Variants in CYP7B1 observed in about 807,000 individuals in gnomAD.
CYP7B1 encodes the protein cytochrome P450 7B1.
Under a neutral mutation model 42.7 loss-of-function variants are expected in CYP7B1, and 29 were observed. The observed-to-expected ratio is 0.68, with a 90% CI of 0.51 to 0.93. CYP7B1 has a LOEUF of 0.93. Among genes scored for constraint, CYP7B1 ranks in the 40% least tolerant of loss-of-function variants. The pLI is 0.00. For missense variants in CYP7B1, 655 were observed against 600.5 expected (o/e 1.09, Z -0.95); for synonymous variants, 235 against 218.2 (o/e 1.08, Z -0.68).
At chr8:64,725,105 A>G (rs1807302807) in intron 1 of CYP7B1, among the ~76,000 whole-genome samples, 1 of 152,248 alleles carries the variant, frequency 6.6e-6, no homozygotes, top group African/African-American at 2.4e-5. Context: ...CGTAACCATT[A>G]GATCACCCCC....
At chr8:64,643,190 TATACACAC>T (rs1805893614) in intron 1 of CYP7B1, among the ~76,000 whole-genome samples, 11 of 83,620 alleles carry the variant, frequency 1.3e-4, no homozygotes, top group South Asian at 6.7e-4. Flanking sequence ...TACATATATA[TATACACAC>T]ACACACACAC....
At chr8:64,708,877 A>G (rs2129632626) in intron 1 of CYP7B1, among the ~76,000 whole-genome samples, 1 of 152,282 alleles carries the variant, frequency 6.6e-6, no homozygotes, top group South Asian at 2.1e-4. Flanking sequence ...GTTAGAGGGG[A>G]ACCTCCTTTC....
Position 64,593,919 on chromosome 8 carries a change from T to C in CYP7B1, c.*2723A>G, listed in dbSNP as rs1338231797. Among the ~76,000 whole-genome samples the C allele has an allele frequency of 6.6e-6, 1 of 152,144 alleles. No homozygotes were observed. The highest frequency in any genetic ancestry group is 1.5e-5 in the Non-Finnish European group (1 of 68,026). ...GGAATCGTAAAACTGAAAAATGTAA[T>C]GATTGAACTTAGCAAACTCAGTGGA... On this transcript the variant is annotated 3_prime_UTR_variant, in exon 6 of 6. Transcript: ENST00000310193.
chr8:64,749,557 A>G (rs1016044425), intron 1 of CYP7B1, among the ~76,000 whole-genome samples: 1 of 152,214 alleles, frequency 6.6e-6, no homozygotes, highest in Admixed American at 6.5e-5. Flanking sequence ...GTAGATTTGA[A>G]GACTTATTGA....
chr8:64,640,319 A>G (rs1046654443), intron 1 of CYP7B1, among the ~76,000 whole-genome samples: 1 of 152,152 alleles, frequency 6.6e-6, no homozygotes, highest in African/African-American at 2.4e-5. Context: ...CTCATGAAAA[A>G]ATGAGACTAA....
chr8:64,662,203 T>G (rs1806208792), intron 1 of CYP7B1, among the ~76,000 whole-genome samples: 1 of 152,280 alleles, frequency 6.6e-6, no homozygotes, highest in Non-Finnish European at 1.5e-5. Context: ...TGCAGTGGTA[T>G]GCACTTGTAG....
chr8:64,609,776 A>G (rs763200981), intron 4 of CYP7B1, among the ~76,000 whole-genome samples: 17 of 152,180 alleles, frequency 1.1e-4, no homozygotes, highest in Non-Finnish European at 1.6e-4. Context: ...ATTATCAGCA[A>G]CCCTGGATGG....
chr8:64,781,974 A>G (rs926186414), intron 1 of CYP7B1, among the ~76,000 whole-genome samples: 2 of 152,174 alleles, frequency 1.3e-5, no homozygotes, highest in African/African-American at 2.4e-5. Context: ...AAAATGAGAC[A>G]ATAGATGCAA....
chr8:64,730,973 C>T (rs1212785642), intron 1 of CYP7B1, among the ~76,000 whole-genome samples: 1 of 152,150 alleles, frequency 6.6e-6, no homozygotes, highest in Non-Finnish European at 1.5e-5. Context: ...GGCTTTTTCC[C>T]TCCTCACTCT....
intron 4 of CYP7B1, among the ~76,000 whole-genome samples, chr8:64,606,326 T>C (rs1805281117): frequency 6.6e-6 from 1 of 152,190 alleles, no homozygotes; most frequent in African/African-American, 2.4e-5. Flanking sequence ...GACCAACATT[T>C]CTGTGGTGAA....
At chr8:64,739,663 C>A (rs1807540761) in intron 1 of CYP7B1, among the ~76,000 whole-genome samples, 1 of 152,114 alleles carries the variant, frequency 6.6e-6, no homozygotes, top group South Asian at 2.1e-4. Context: ...GTAATAATGC[C>A]TTCGAATTTT....
At chr8:64,727,693 A>G (rs1476783152) in intron 1 of CYP7B1, among the ~76,000 whole-genome samples, 1 of 152,216 alleles carries the variant, frequency 6.6e-6, no homozygotes, top group Non-Finnish European at 1.5e-5. Flanking sequence ...GTCAGTCTAG[A>G]AAGCCCAACG....
At chr8:64,743,471 G>A (rs1242736010) in intron 1 of CYP7B1, among the ~76,000 whole-genome samples, 3 of 152,190 alleles carry the variant, frequency 2.0e-5, no homozygotes, top group African/African-American at 7.2e-5. Flanking sequence ...TTATTTTCTC[G>A]CAGTTCTGGA....
At position 64,614,264 on chromosome 8, in the gene CYP7B1, CCA is replaced by C. The variant is rs375205743; in HGVS notation, c.1057+760_1057+761del. On this transcript the variant is annotated intron_variant, in intron 4 of 5. Transcript: ENST00000310193. Reference sequence around the variant, plus strand: ...ACGAAATCTGCTGCGATTAAAAGCTCCAGTCATTGAGGTACAGACCTATGTAG... The same window carrying C: ...ACGAAATCTGCTGCGATTAAAAGCTCGTCATTGAGGTACAGACCTATGTAG... 3.3e-3 allele frequency among the ~76,000 whole-genome samples: 505 copies of C among 152,152 alleles called. 8 individuals are homozygous for C. The highest frequency in any genetic ancestry group is 0.012 in the African/African-American group (493 of 41,526).
intron 1 of CYP7B1, among the ~76,000 whole-genome samples, chr8:64,749,241 T>C (rs1178617554): frequency 6.6e-6 from 1 of 151,790 alleles, no homozygotes; most frequent in African/African-American, 2.4e-5. Flanking sequence ...CTGCCACACC[T>C]GGCTGATTTT....
chr8:64,696,631 C>T (rs1806832368), intron 1 of CYP7B1, among the ~76,000 whole-genome samples: 1 of 152,146 alleles, frequency 6.6e-6, no homozygotes, highest in Admixed American at 6.6e-5. Flanking sequence ...ATAGTGCTAG[C>T]TTTGTCAGTC....
intron 1 of CYP7B1, among the ~76,000 whole-genome samples, chr8:64,724,652 T>C (rs944690410): frequency 6.6e-6 from 1 of 152,176 alleles, no homozygotes; most frequent in Non-Finnish European, 1.5e-5. Flanking sequence ...TAATTCCTAG[T>C]TTCTTCATTT....
chr8:64,792,055 TGAA>T, intron 1 of CYP7B1, among the ~76,000 whole-genome samples: 1 of 152,238 alleles, frequency 6.6e-6, no homozygotes, highest in East Asian at 1.9e-4. Context: ...TCACATGAAA[TGAA>T]GAACTAAGGA....
At position 64,665,383 on chromosome 8, in the gene CYP7B1, A is replaced by T. The variant is rs201075306; in HGVS notation, c.123-40844T>A. On this transcript the variant is annotated intron_variant, in intron 1 of 5. Transcript: ENST00000310193. ...AGGAGGAGGGGTCCTTTTATATGTA[A>T]TAAAAGGGTAGGAACTTAAAAGGCA... Among the ~76,000 whole-genome samples the T allele has an allele frequency of 2.9e-4, 44 of 152,188 alleles. No homozygotes were observed. In the East Asian group the frequency reaches 7.0e-3, roughly 24 times the overall value.
Sources: gnomAD v4.1 joint callset for allele counts (sites outside exome capture counted in the v4.1 genomes callset) on GRCh38, gnomAD v4.1.1 for gene constraint, MANE v1.5 for transcripts, NCBI Gene and HGNC (gene_info 2026-07-23, HGNC 2026-07-21) for gene names.